The following DMC1 variants were observed in gnomAD, a reference collection of about 807,000 sequenced individuals.
DMC1 encodes DNA meiotic recombinase 1.
In DMC1, 27 loss-of-function variants were observed where a neutral mutation model predicts 50.1. That is an observed-to-expected ratio of 0.54 (90% CI 0.40 to 0.74). The LOEUF (loss-of-function observed/expected upper bound fraction) is 0.74, where lower values mean the gene tolerates loss of function less well. Ranked by LOEUF, DMC1 falls within the 30% of genes least tolerant of loss-of-function variation. The probability of loss-of-function intolerance (pLI) is 0.00; values close to 1 mark genes in which losing one functional copy is unlikely to be tolerated. For missense variants in DMC1, 295 were observed against 420.2 expected, an observed-to-expected ratio of 0.70 and a Z score of 2.60; for synonymous variants, 148 against 136.1, an observed-to-expected ratio of 1.09 and a Z score of -0.61.
At position 38,521,603 on chromosome 22, in the gene DMC1, T is replaced by A. The variant is rs747521661; in HGVS notation, c.953+5A>T. 14 of 1,551,420 alleles carry A rather than the reference T, an allele frequency of 9.0e-6. No individual in the cohort carries two copies. The highest frequency in any genetic ancestry group is 2.3e-5 in the East Asian group (1 of 43,728). ...CACACACACACAAAATAAAAAAAAATTTACCTGTCATAAATCTTGGCAATT... is the reference window on the plus strand; with the variant it reads ...CACACACACACAAAATAAAAAAAAAATTACCTGTCATAAATCTTGGCAATT... On this transcript the variant is annotated splice_donor_5th_base_variant and intron_variant, in intron 13 of 13. Coordinates refer to ENST00000216024, the MANE Select transcript of DMC1 (RefSeq NM_007068.4).
chr22:38,560,472 TG>T (rs2090516355), intron 5 of DMC1, among the ~76,000 whole-genome samples: 2 of 150,920 alleles, frequency 1.3e-5, no homozygotes, highest in South Asian at 4.2e-4. Context: ...GCCTAACCTA[TG>T]TTTTAAAGTG....
intron 12 of DMC1, among the ~76,000 whole-genome samples, chr22:38,529,185 ATTT>A (rs890057160): frequency 6.6e-6 from 1 of 151,572 alleles, no homozygotes; most frequent in Non-Finnish European, 1.5e-5. Context: ...TAATTTTTGT[ATTT>A]TTAGTAGAGA....
the DMC1 span, among the ~76,000 whole-genome samples, chr22:38,512,051 T>G: frequency 6.6e-6 from 1 of 152,116 alleles, no homozygotes; most frequent in Non-Finnish European, 1.5e-5. Context: ...CTTGGCTCAC[T>G]GCAACCTCTG....
intron 12 of DMC1, among the ~76,000 whole-genome samples, chr22:38,534,532 G>A (rs1461365640): frequency 2.6e-5 from 4 of 151,920 alleles, no homozygotes; most frequent in East Asian, 3.9e-4. Flanking sequence ...AAGAAACCCC[G>A]TCTCTACTAA....
At chr22:38,566,837 T>G in intron 3 of DMC1, 101 bp from the exon 4 acceptor site, 1 of 1,257,894 alleles carries the variant, frequency 7.9e-7, no homozygotes, top group Non-Finnish European at 1.1e-6. Flanking sequence ...TCCACCATGA[T>G]GCCAATTTTA....
chr22:38,555,023 G>A (rs1360860375), intron 6 of DMC1, among the ~76,000 whole-genome samples: 2 of 151,340 alleles, frequency 1.3e-5, no homozygotes, highest in East Asian at 3.9e-4. Flanking sequence ...GGCAGAGCTT[G>A]CAGGAAGCCG....
At chr22:38,515,483 A>AG (rs2089970594), downstream of DMC1, among the ~76,000 whole-genome samples, 1 of 148,920 alleles carries the variant, frequency 6.7e-6, no homozygotes. Flanking sequence ...TCTCAAAAAA[A>AG]AAAAAAAAGA....
At chr22:38,562,204 T>C (rs2090534585) in intron 5 of DMC1, 83 bp downstream of exon 5, 14 of 926,332 alleles carry the variant, frequency 1.5e-5, no homozygotes, top group Middle Eastern at 2.5e-4. Context: ...CTACTACTTA[T>C]AGTAGAAGTA....
chr22:38,528,423 T>G (rs1280869407), intron 12 of DMC1, among the ~76,000 whole-genome samples: 1 of 152,042 alleles, frequency 6.6e-6, no homozygotes, highest in Non-Finnish European at 1.5e-5. Flanking sequence ...CCTGTTCACT[T>G]ACATACATTT....
Position 38,549,949 on chromosome 22 carries a change from A to T in DMC1, c.470T>A (p.Ile157Asn). 6.2e-7 allele frequency: 1 copy of T among 1,613,550 alleles called. No homozygotes were observed. Among genetic ancestry groups the T allele is most frequent in the Non-Finnish European group, 8.5e-7 (1 of 1,179,612 alleles). ...GAGGYPGGKI[I>N]FIDTENTFRP... is the part of the protein sequence containing the mutation. ...CAAAGTATTTTCTGTATCAATGAAG[A>T]TAATCTTTCCTCCTGGGTAGCCACC... The change falls in exon 8 of 14, where the codon ATC becomes AAC. Residue 157 changes from isoleucine (I) to asparagine (N), a missense_variant. Ile to Asn is a moderately radical substitution (Grantham distance 149). Transcript: ENST00000216024.
chr22:38,557,953 G>GTTTTTTTTTTTTTTTTTTTTT (rs1555940699), intron 5 of DMC1, among the ~76,000 whole-genome samples: 3 of 94,970 alleles, frequency 3.2e-5, no homozygotes, highest in Admixed American at 1.0e-4. Flanking sequence ...ATTAGACAAA[G>GTTTTTTTTTTTTTTTTTTTTT]TTCTTTTTTT....
chr22:38,554,433 C>T (rs1206948886), intron 6 of DMC1, among the ~76,000 whole-genome samples: 2 of 127,810 alleles, frequency 1.6e-5, no homozygotes, highest in Non-Finnish European at 1.6e-5. Context: ...ATTTAGTGCC[C>T]AAGTCAACAG....
chr22:38,513,304 G>A, the DMC1 span, among the ~76,000 whole-genome samples: 1 of 152,190 alleles, frequency 6.6e-6, no homozygotes, highest in South Asian at 2.1e-4. Context: ...AACCCCTGCT[G>A]TCATCCTTGT....
At chr22:38,524,832 C>A (rs1467983559) in intron 12 of DMC1, among the ~76,000 whole-genome samples, 1 of 152,066 alleles carries the variant, frequency 6.6e-6, no homozygotes, top group Non-Finnish European at 1.5e-5. Flanking sequence ...GAGGCCGAGG[C>A]GGGCGGATCA....
chr22:38,568,112 C>G lies in DMC1; in HGVS notation c.51+94G>C, dbSNP rs1240512986. The G allele has an allele frequency of 4.4e-6, 5 of 1,133,570 alleles. No homozygotes were observed. In the Admixed American group the frequency reaches 7.2e-5, roughly 16 times the overall value. 70.2% of individuals were successfully genotyped at this position (1,133,570 alleles called of 1,614,324 possible). ...AATATATAACTATGTGTTATTTCTA[C>G]TTTCAGCTTCTAAAAATAGTAGCTA... is the stretch of plus-strand genomic sequence containing the variant. On this transcript the variant is annotated intron_variant, in intron 2 of 13. Coordinates refer to ENST00000216024, the MANE Select transcript of DMC1 (RefSeq NM_007068.4).
chr22:38,566,737 C>G lies in DMC1; in HGVS notation c.97-1G>C. On this transcript the variant is annotated splice_acceptor_variant, in intron 3 of 13. Transcript: ENST00000216024. LOFTEE classifies it high-confidence loss of function. ...TCAGTTTCTTAATGTCAGCCACGTTCTGTAAATTAAAGAATGGGCACAGCA... is the reference window on the plus strand; with the variant it reads ...TCAGTTTCTTAATGTCAGCCACGTTGTGTAAATTAAAGAATGGGCACAGCA... The G allele has an allele frequency of 1.2e-6, 2 of 1,613,734 alleles. No individual in the cohort carries two copies. Among genetic ancestry groups the G allele is most frequent in the Non-Finnish European group, 1.7e-6 (2 of 1,179,792 alleles).
At chr22:38,530,917 A>G (rs1220925932) in intron 12 of DMC1, among the ~76,000 whole-genome samples, 1 of 152,094 alleles carries the variant, frequency 6.6e-6, no homozygotes, top group Non-Finnish European at 1.5e-5. Flanking sequence ...TAAAAATACA[A>G]AAATTAGCCA....
downstream of DMC1, among the ~76,000 whole-genome samples, chr22:38,517,367 G>A (rs1000137685): frequency 2.1e-4 from 32 of 152,198 alleles, no homozygotes; most frequent in Admixed American, 8.5e-4. Context: ...TCAGGAGTTC[G>A]AGACCAGCCT....
At chr22:38,514,240 G>C (rs1569148908), downstream of DMC1, among the ~76,000 whole-genome samples, 2 of 145,804 alleles carry the variant, frequency 1.4e-5, no homozygotes, top group Admixed American at 1.4e-4. Context: ...CAGGAGGTTA[G>C]GTATTCTTTT....
Sources: gnomAD v4.1 joint callset for allele counts (sites outside exome capture counted in the v4.1 genomes callset) on GRCh38, gnomAD v4.1.1 for gene constraint, MANE v1.5 for transcripts, NCBI Gene and HGNC (gene_info 2026-07-23, HGNC 2026-07-21) for gene names.